Variants in MROH9 observed in about 807,000 individuals in gnomAD.
The protein encoded by MROH9 is maestro heat-like repeat-containing protein family member 9.
A neutral mutation model predicts 98.2 loss-of-function variants in MROH9; 92 were observed. The ratio of observed to expected loss-of-function variants is 0.94; its 90% confidence interval spans 0.79 to 1.11. The LOEUF (loss-of-function observed/expected upper bound fraction) is 1.11, where lower values mean the gene tolerates loss of function less well. Ranked by LOEUF, MROH9 falls within the 50% of genes most tolerant of loss-of-function variation. MROH9 has a pLI of 0.00. For missense variants in MROH9, 1,057 were observed against 1,014.8 expected, an observed-to-expected ratio of 1.04 and a Z score of -0.57; for synonymous variants, 397 against 368.9, an observed-to-expected ratio of 1.08 and a Z score of -0.87.
intron 20 of MROH9, among the ~76,000 whole-genome samples, chr1:171,047,650 T>A (rs377054079): frequency 6.6e-6 from 1 of 152,200 alleles, no homozygotes; most frequent in East Asian, 1.9e-4. Context: ...TTCTCCATGA[T>A]TGGTCCATGG....
At chr1:170,982,217 A>C (rs573179322) in intron 8 of MROH9, among the ~76,000 whole-genome samples, 1 of 152,114 alleles carries the variant, frequency 6.6e-6, no homozygotes, top group Admixed American at 6.6e-5. Context: ...AAGCAAATAG[A>C]TAAAGAGATT....
At chr1:170,950,606 G>A (rs1313831122) in intron 3 of MROH9, among the ~76,000 whole-genome samples, 1 of 152,132 alleles carries the variant, frequency 6.6e-6, no homozygotes, top group East Asian at 1.9e-4. Context: ...TAGGGGATGG[G>A]AGCTAGAGAA....
chr1:171,056,395 G>A (rs1415761646), intron 20 of MROH9, among the ~76,000 whole-genome samples: 2 of 152,162 alleles, frequency 1.3e-5, no homozygotes, highest in Non-Finnish European at 2.9e-5. Flanking sequence ...GACCTCTTCA[G>A]GACTGACCCT....
At chr1:170,944,441 A>G (rs181036485) in intron 1 of MROH9, among the ~76,000 whole-genome samples, 4 of 152,192 alleles carry the variant, frequency 2.6e-5, no homozygotes, top group East Asian at 3.9e-4. Flanking sequence ...CTGTTATGTA[A>G]TAAACAACAA....
At chr1:171,059,720 T>C (rs939820230) in intron 20 of MROH9, among the ~76,000 whole-genome samples, 3 of 152,186 alleles carry the variant, frequency 2.0e-5, no homozygotes, top group African/African-American at 7.2e-5. Flanking sequence ...TGAGATCATG[T>C]CCTTTGCAGG....
At chr1:170,982,029 G>T (rs1650950166) in intron 8 of MROH9, among the ~76,000 whole-genome samples, 1 of 152,052 alleles carries the variant, frequency 6.6e-6, no homozygotes, top group Non-Finnish European at 1.5e-5. Flanking sequence ...AAGTAATTTG[G>T]CACTATCCTA....
chr1:170,996,686 C>T (rs757830622), intron 14 of MROH9, 42 bp downstream of exon 14: 14 of 1,589,562 alleles, frequency 8.8e-6, no homozygotes, highest in Non-Finnish European at 1.2e-5. Context: ...GGTCTCTATC[C>T]TACCTTCTCC....
intron 19 of MROH9, 80 bp from the exon 20 acceptor site, chr1:171,025,238 T>C (rs1175907270): frequency 1.4e-5 from 11 of 801,226 alleles, no homozygotes; most frequent in Non-Finnish European, 2.2e-5. Flanking sequence ...CCTGATTTGG[T>C]ATGTTGAAGC....
chr1:170,986,512 TG>T (rs1291139106), intron 9 of MROH9, 48 bp from the exon 10 acceptor site: 4 of 1,577,750 alleles, frequency 2.5e-6, no homozygotes, highest in Non-Finnish European at 3.4e-6. Flanking sequence ...AGCTGTCTTA[TG>T]TTGGTGTGAG....
At chr1:171,010,544 C>A (rs1652115197) in intron 15 of MROH9, among the ~76,000 whole-genome samples, 1 of 152,200 alleles carries the variant, frequency 6.6e-6, no homozygotes, top group Non-Finnish European at 1.5e-5. Context: ...AATTTATACT[C>A]CCACCAACAG....
At chr1:171,063,754 C>T (rs1195260720) in intron 21 of MROH9, among the ~76,000 whole-genome samples, 1 of 152,146 alleles carries the variant, frequency 6.6e-6, no homozygotes, top group African/African-American at 2.4e-5. Context: ...AACATTGAGA[C>T]TGATTTTAAC....
In MROH9 at chr1:171,064,198, C is replaced by A; in HGVS notation, c.2444C>A (p.Ala815Glu). The change falls in exon 22 of 22, where the codon GCA becomes GAA. Residue 815 changes from alanine to glutamate, a missense_variant. By Grantham distance (107) the Ala-to-Glu change is moderately radical. Coordinates refer to ENST00000367759, the MANE Select transcript of MROH9 (RefSeq NM_001163629.2). The part of the protein sequence containing the change: ...FKKKAHKLTS[A>E]PLKQNFQKLL... ...AAAAAAGCCCATAAACTGACCTCTG[C>A]ACCTCTTAAACAAAACTTCCAAAAA... 1.3e-6 allele frequency: 2 copies of A among 1,551,536 alleles called. No homozygotes were observed. The highest frequency in any genetic ancestry group is 1.7e-6 in the Non-Finnish European group (2 of 1,146,920).
intron 1 of MROH9, among the ~76,000 whole-genome samples, chr1:170,938,580 C>T (rs1184585586): frequency 6.6e-6 from 1 of 152,170 alleles, no homozygotes; most frequent in Non-Finnish European, 1.5e-5. Flanking sequence ...TGAGCATAAG[C>T]CAATTGCCCC....
intron 6 of MROH9, among the ~76,000 whole-genome samples, chr1:170,962,814 T>G (rs1405532160): frequency 1.3e-5 from 2 of 151,946 alleles, no homozygotes; most frequent in Non-Finnish European, 2.9e-5. Flanking sequence ...TTACACCATA[T>G]ACAAAAATTA....
At chr1:170,961,819 G>GA (rs1309576976) in intron 5 of MROH9, 71 bp from the exon 6 acceptor site, 2 of 693,870 alleles carry the variant, frequency 2.9e-6, no homozygotes, top group Non-Finnish European at 4.5e-6. Flanking sequence ...TTTTAAGCAA[G>GA]AAAAAAACTG....
rs1238017168 is a variant in MROH9, at chr1:171,023,442, C to A, written c.1909-953C>A. On this transcript the variant is annotated intron_variant, in intron 17 of 21. Transcript: ENST00000367759. Reference sequence around the variant, plus strand: ...AGCATGGTTACATTATTATAAGTATCCTTACAAAAATTATCTTCAAGTTAT... The same window carrying A: ...AGCATGGTTACATTATTATAAGTATACTTACAAAAATTATCTTCAAGTTAT... Among the ~76,000 whole-genome samples the A allele has an allele frequency of 2.6e-5, 4 of 152,122 alleles. No individual in the cohort carries two copies. In the East Asian group the frequency reaches 7.7e-4, roughly 29 times the overall value.
At chr1:170,971,255 A>T (rs16863891) in intron 7 of MROH9, among the ~76,000 whole-genome samples, 13,334 of 152,254 alleles carry the variant, frequency 0.088, 647 homozygotes, top group Middle Eastern at 0.14. Context: ...TTTTAAAAAA[A>T]TGAATTCCCT....
chr1:171,063,927 T>C (rs1197326867), intron 21 of MROH9, among the ~76,000 whole-genome samples, 172 bp from the exon 22 acceptor site: 1 of 152,126 alleles, frequency 6.6e-6, no homozygotes. Context: ...TAGGGATAGA[T>C]GATAAAACTT....
chr1:170,956,937 C>T (rs1436885261), intron 3 of MROH9, among the ~76,000 whole-genome samples: 1 of 151,146 alleles, frequency 6.6e-6, no homozygotes, highest in East Asian at 1.9e-4. Context: ...TTCCAGTTCT[C>T]AGAGGGACTG....
Sources: gnomAD v4.1 joint callset for allele counts (sites outside exome capture counted in the v4.1 genomes callset) on GRCh38, gnomAD v4.1.1 for gene constraint, MANE v1.5 for transcripts, NCBI Gene and HGNC (gene_info 2026-07-23, HGNC 2026-07-21) for gene names.